The following NRXN1 variants were observed in gnomAD, a reference collection of about 807,000 sequenced individuals.
NRXN1 encodes the protein neurexin 1.
A neutral mutation model predicts 150.9 loss-of-function variants in NRXN1; 39 were observed. That is an observed-to-expected ratio of 0.26 (90% CI 0.20 to 0.34). The LOEUF is 0.34. Among genes scored for constraint, NRXN1 ranks in the 10% least tolerant of loss-of-function variants. The pLI is 1.00. For missense variants in NRXN1, 1,815 were observed against 1,949.9 expected (o/e 0.93, Z 1.30); for synonymous variants, 924 against 757.0 (o/e 1.22, Z -3.62).
At chr2:50,138,806 C>G (rs1015711548) in intron 18 of NRXN1, among the ~76,000 whole-genome samples, 1 of 152,176 alleles carries the variant, frequency 6.6e-6, no homozygotes, top group African/African-American at 2.4e-5. Context: ...CAAAGAACAA[C>G]CTCCTGAAGT....
intron 2 of NRXN1, among the ~76,000 whole-genome samples, chr2:50,952,302 C>A (rs1691518841): frequency 6.6e-6 from 1 of 151,996 alleles, no homozygotes; most frequent in African/African-American, 2.4e-5. Context: ...GAGACCCTGT[C>A]AAAAATTCTA....
intron 5 of NRXN1, among the ~76,000 whole-genome samples, chr2:50,842,325 T>A (rs759601172): frequency 5.3e-5 from 8 of 152,188 alleles, no homozygotes; most frequent in Non-Finnish European, 7.4e-5. Flanking sequence ...AAACATAGGC[T>A]AACAATTAAT....
At chr2:50,531,118 T>G (rs1030459920) in intron 11 of NRXN1, 109 bp downstream of exon 11, 3 of 790,164 alleles carry the variant, frequency 3.8e-6, no homozygotes, top group Non-Finnish European at 6.2e-6. Context: ...AATAAGACCA[T>G]TAAGTGTTTT....
intron 12 of NRXN1, among the ~76,000 whole-genome samples, chr2:50,517,413 C>T (rs369824600): frequency 6.6e-6 from 1 of 151,794 alleles, no homozygotes; most frequent in African/African-American, 2.4e-5. Flanking sequence ...CTTTGTGGGA[C>T]TTTTTTTTAA....
intron 18 of NRXN1, among the ~76,000 whole-genome samples, chr2:50,172,385 A>G (rs1013643106): frequency 6.6e-6 from 1 of 151,992 alleles, no homozygotes; most frequent in Admixed American, 6.6e-5. Flanking sequence ...CCCTTGAAGG[A>G]CTCTCTAGCT....
intron 5 of NRXN1, among the ~76,000 whole-genome samples, chr2:50,828,565 C>G (rs963315534): frequency 6.6e-6 from 1 of 151,670 alleles, no homozygotes; most frequent in East Asian, 2.0e-4. Flanking sequence ...CGCGGCCGGG[C>G]AGAGGCGCTC....
intron 21 of NRXN1, among the ~76,000 whole-genome samples, chr2:50,042,874 G>A (rs1691224146): frequency 6.6e-6 from 1 of 152,076 alleles, no homozygotes; most frequent in Non-Finnish European, 1.5e-5. Flanking sequence ...AAATCATAAA[G>A]TGAAATGCAA....
intron 18 of NRXN1, among the ~76,000 whole-genome samples, chr2:50,095,604 C>T (rs1466422746): frequency 1.3e-5 from 2 of 151,960 alleles, no homozygotes. Context: ...GAAATAAGTC[C>T]CTTTAACTTA....
At chr2:50,718,840 C>T (rs1696217412) in intron 5 of NRXN1, among the ~76,000 whole-genome samples, 1 of 152,060 alleles carries the variant, frequency 6.6e-6, no homozygotes, top group Non-Finnish European at 1.5e-5. Flanking sequence ...CCCTCCCTTC[C>T]TCTCTCCCTC....
chr2:50,667,621 TATCC>T (rs976298161), intron 5 of NRXN1, among the ~76,000 whole-genome samples: 3 of 152,098 alleles, frequency 2.0e-5, no homozygotes, highest in South Asian at 2.1e-4. Flanking sequence ...TTTCTCCTTA[TATCC>T]ATCCTTTAAT....
chr2:50,010,147 G>A (rs1236756955), intron 21 of NRXN1, among the ~76,000 whole-genome samples: 2 of 124,410 alleles, frequency 1.6e-5, no homozygotes, highest in African/African-American at 3.3e-5. Flanking sequence ...ACGAACTCAA[G>A]TTAAAAAAAA....
intron 8 of NRXN1, among the ~76,000 whole-genome samples, chr2:50,569,698 T>A (rs776078703): frequency 6.6e-6 from 1 of 152,106 alleles, no homozygotes; most frequent in African/African-American, 2.4e-5. Context: ...GGTATTTTTA[T>A]AAAATTGTGA....
intron 21 of NRXN1, among the ~76,000 whole-genome samples, chr2:49,998,673 TAA>T (rs1233727188): frequency 2.6e-5 from 4 of 152,162 alleles, no homozygotes; most frequent in African/African-American, 9.7e-5. Context: ...TTAACCTTTT[TAA>T]AAAAAATAAT....
chr2:51,012,247 A>G (rs537553086), intron 2 of NRXN1, among the ~76,000 whole-genome samples: 1 of 152,188 alleles, frequency 6.6e-6, no homozygotes, highest in East Asian at 1.9e-4. Flanking sequence ...CTTAGCCTCT[A>G]TAACATTCTA....
chr2:50,340,487 A>C (rs564505907), intron 17 of NRXN1, among the ~76,000 whole-genome samples: 1 of 152,288 alleles, frequency 6.6e-6, no homozygotes, highest in Admixed American at 6.5e-5. Context: ...CCACCACGCC[A>C]TGGCTCCTGT....
intron 5 of NRXN1, among the ~76,000 whole-genome samples, chr2:50,704,451 T>C (rs946209852): frequency 5.3e-5 from 8 of 151,932 alleles, no homozygotes; most frequent in African/African-American, 1.9e-4. Context: ...TGCAGGATAT[T>C]TGCAAAAATA....
intron 5 of NRXN1, among the ~76,000 whole-genome samples, chr2:50,746,710 G>A (rs894433989): frequency 6.6e-6 from 1 of 152,128 alleles, no homozygotes; most frequent in Non-Finnish European, 1.5e-5. Flanking sequence ...GCCACTAGAG[G>A]GCTGCTGTGA....
chr2:50,578,338 G>A (rs1182360002), intron 8 of NRXN1, among the ~76,000 whole-genome samples: 3 of 152,138 alleles, frequency 2.0e-5, no homozygotes, highest in South Asian at 4.1e-4. Flanking sequence ...ATAAAACAAC[G>A]TTTGATAGGG....
At chr2:51,006,535 T>A (rs1466602871) in intron 2 of NRXN1, among the ~76,000 whole-genome samples, 2 of 148,692 alleles carry the variant, frequency 1.3e-5, no homozygotes, top group East Asian at 3.9e-4. Context: ...CCCTAAAACT[T>A]AAAGTATAAT....
Sources: allele counts gnomAD v4.1 joint callset (sites outside exome capture counted in the v4.1 genomes callset), GRCh38; gene constraint gnomAD v4.1.1; transcripts MANE v1.5; gene names NCBI Gene and HGNC (gene_info 2026-07-23, HGNC 2026-07-21).